Variants in CNTN1 observed in about 807,000 individuals in gnomAD.
CNTN1 encodes contactin-1.
CNTN1 carries 38 observed loss-of-function variants against 126.4 expected under a neutral mutation model. The observed-to-expected ratio is 0.30, with a 90% confidence interval of 0.23 to 0.39. The LOEUF is 0.39. Among genes scored for constraint, CNTN1 ranks in the 10% least tolerant of loss-of-function variants. The probability of loss-of-function intolerance (pLI) is 1.00; values close to 1 mark genes in which losing one functional copy is unlikely to be tolerated. For synonymous variants in CNTN1, 413 were observed against 422.6 expected (o/e 0.98, Z 0.28); for missense variants, 1,009 against 1,248.4 (o/e 0.81, Z 2.89).
intron 1 of CNTN1, among the ~76,000 whole-genome samples, chr12:40,809,292 T>A (rs1433065341): frequency 6.6e-6 from 1 of 152,190 alleles, no homozygotes; most frequent in East Asian, 1.9e-4. Context: ...AAACTCCTTA[T>A]GAAGAAGCAA....
chr12:40,908,432 G>A lies in CNTN1; in HGVS notation c.-1G>A. On this transcript the variant is annotated 5_prime_UTR_variant, in exon 2 of 24. Coordinates refer to ENST00000551295, the MANE Select transcript of CNTN1 (RefSeq NM_001843.4). ...TGAACCGAACTTCTACTGAATACAA[G>A]ATGAAAATGTGGTTGCTGGTCAGTC... The A allele has an allele frequency of 1.2e-6, 2 of 1,612,708 alleles. No individual in the cohort carries two copies. The highest frequency in any genetic ancestry group is 1.7e-4 in the Middle Eastern group (1 of 6,034).
intron 4 of CNTN1, among the ~76,000 whole-genome samples, chr12:40,919,969 C>A (rs1372891814): frequency 6.6e-6 from 1 of 152,040 alleles, no homozygotes; most frequent in Admixed American, 6.6e-5. Context: ...GAGATCCAAT[C>A]CAAGAAAATT....
At chr12:41,000,186 C>T (rs75880755) in intron 17 of CNTN1, among the ~76,000 whole-genome samples, 15,537 of 152,096 alleles carry the variant, frequency 0.1, 903 homozygotes, top group Non-Finnish European at 0.13. Context: ...AATAAAAAGG[C>T]TAATATTGCT....
intron 1 of CNTN1, among the ~76,000 whole-genome samples, chr12:40,796,201 CTACTGGCTTA>C (rs1372230418): frequency 1.8e-4 from 28 of 152,144 alleles, no homozygotes; most frequent in Non-Finnish European, 4.0e-4. Flanking sequence ...TGGAAGGAGG[CTACTGGCTTA>C]ACCACTAAGA....
chr12:40,742,009 A>G (rs1164276719), intron 1 of CNTN1, among the ~76,000 whole-genome samples: 1 of 152,022 alleles, frequency 6.6e-6, no homozygotes, highest in Non-Finnish European at 1.5e-5. Context: ...AACTTCCAAG[A>G]GTTTTGTATA....
chr12:40,759,389 T>C, intron 1 of CNTN1, among the ~76,000 whole-genome samples: 1 of 152,050 alleles, frequency 6.6e-6, no homozygotes, highest in South Asian at 2.1e-4. Context: ...TTAGGTATTT[T>C]GTCTTTTTCT....
In CNTN1 at chr12:40,909,354, A is replaced by G. The variant is rs557658076; in HGVS notation, c.62-719A>G. On this transcript the variant is annotated intron_variant, in intron 2 of 23. Coordinates refer to ENST00000551295, the MANE Select transcript of CNTN1 (RefSeq NM_001843.4). ...TAGTACTTATTGAGCTAGGTCATTTAGTACTTATTGAGCTAGGTCATTATT... is the reference window on the plus strand; with the variant it reads ...TAGTACTTATTGAGCTAGGTCATTTGGTACTTATTGAGCTAGGTCATTATT... Among the ~76,000 whole-genome samples, 3 of 152,120 alleles carry G rather than the reference A, an allele frequency of 2.0e-5. No homozygotes were observed. In the South Asian group the frequency reaches 6.2e-4, roughly 32 times the overall value.
rs149021188 is a variant in CNTN1 at position 40,998,177 on chromosome 12, T to C, written c.2113+4908T>C. Among the ~76,000 whole-genome samples, 661 of 152,282 alleles carry C rather than the reference T, an allele frequency of 4.3e-3. 7 individuals are homozygous for C. Among genetic ancestry groups the C allele is most frequent in the African/African-American group, 0.015 (607 of 41,576 alleles). ...GATGATTGAAAACAAGTTTAACATA[T>C]ACATTCGATGCTATTGTCCATATAC... On this transcript the variant is annotated intron_variant, in intron 17 of 23. Coordinates refer to ENST00000551295, the MANE Select transcript of CNTN1 (RefSeq NM_001843.4).
intron 1 of CNTN1, among the ~76,000 whole-genome samples, chr12:40,752,759 T>C (rs377632416): frequency 7.9e-5 from 12 of 152,252 alleles, no homozygotes; most frequent in African/African-American, 2.9e-4. Context: ...CATTTTAAAC[T>C]CTAGAACACT....
At chr12:40,804,941 T>C (rs1395486824) in intron 1 of CNTN1, among the ~76,000 whole-genome samples, 2 of 152,070 alleles carry the variant, frequency 1.3e-5, no homozygotes, top group Non-Finnish European at 2.9e-5. Flanking sequence ...CAGTTGTCTT[T>C]ATTGTTACTG....
chr12:40,992,289 C>T (rs1266771554), intron 16 of CNTN1, among the ~76,000 whole-genome samples: 7 of 152,096 alleles, frequency 4.6e-5, no homozygotes, highest in African/African-American at 1.4e-4. Context: ...ATGGACACGT[C>T]ATCTTTAAAA....
At position 40,851,782 on chromosome 12, in the gene CNTN1, A is replaced by T. The variant is rs532370086; in HGVS notation, c.-76-56575A>T. On this transcript the variant is annotated intron_variant, in intron 1 of 23. Transcript: ENST00000551295. ...TAAGGCTTAGCGATATTTATGAGTT[A>T]GGGAAGTGGGGTGGTCTAAGGCATG... Among the ~76,000 whole-genome samples the T allele has an allele frequency of 4.6e-5, 7 of 152,268 alleles. No homozygotes were observed. In the East Asian group the frequency reaches 1.4e-3, roughly 29 times the overall value.
chr12:40,856,343 T>C (rs1826788815), intron 1 of CNTN1, among the ~76,000 whole-genome samples: 1 of 152,124 alleles, frequency 6.6e-6, no homozygotes, highest in Non-Finnish European at 1.5e-5. Flanking sequence ...AATAAATTTC[T>C]GTATTGTGTT....
At chr12:40,875,196 A>G (rs1178096930) in intron 1 of CNTN1, among the ~76,000 whole-genome samples, 3 of 152,146 alleles carry the variant, frequency 2.0e-5, no homozygotes, top group Admixed American at 6.6e-5. Context: ...CTGATTTTTA[A>G]TTAAACTTCT....
intron 19 of CNTN1, among the ~76,000 whole-genome samples, chr12:41,017,787 C>T: frequency 6.6e-6 from 1 of 151,956 alleles, no homozygotes; most frequent in South Asian, 2.1e-4. Context: ...TATTTATATT[C>T]TTGTTAAAAA....
intron 17 of CNTN1, among the ~76,000 whole-genome samples, chr12:41,007,220 C>T (rs566242375): frequency 8.9e-4 from 135 of 151,530 alleles, no homozygotes; most frequent in South Asian, 5.2e-3. Context: ...CCACTACGCC[C>T]GGCTAATTTT....
intron 1 of CNTN1, among the ~76,000 whole-genome samples, chr12:40,885,312 A>G (rs575229326): frequency 3.9e-5 from 6 of 152,014 alleles, no homozygotes; most frequent in Non-Finnish European, 8.8e-5. Context: ...CTGGCACACA[A>G]TAAATGCTCA....
At chr12:40,783,494 C>T (rs1210890651) in intron 1 of CNTN1, among the ~76,000 whole-genome samples, 1 of 152,068 alleles carries the variant, frequency 6.6e-6, no homozygotes, top group East Asian at 1.9e-4. Context: ...AGATTAAAGG[C>T]TGATCATCAG....
intron 9 of CNTN1, 144 bp downstream of exon 9, chr12:40,934,022 T>TC: frequency 5.6e-6 from 4 of 709,440 alleles, no homozygotes; most frequent in Non-Finnish European, 9.5e-6. Flanking sequence ...AAAATATTTC[T>TC]CATATGTCTA....
Sources: gnomAD v4.1 joint callset for allele counts (sites outside exome capture counted in the v4.1 genomes callset) on GRCh38, gnomAD v4.1.1 for gene constraint, MANE v1.5 for transcripts, NCBI Gene and HGNC (gene_info 2026-07-23, HGNC 2026-07-21) for gene names.